Variants in DNAH14 observed in about 807,000 individuals in gnomAD.
DNAH14 encodes axonemal beta dynein heavy chain 14.
A neutral mutation model predicts 520.9 loss-of-function variants in DNAH14; 478 were observed. The observed-to-expected ratio is 0.92, with a 90% CI of 0.85 to 0.99. The LOEUF (loss-of-function observed/expected upper bound fraction) is 0.99, where lower values mean the gene tolerates loss of function less well. DNAH14 is among the 50% of genes least tolerant of loss of function. The pLI is 0.00. For synonymous variants in DNAH14, 1,581 were observed against 1,757.2 expected (o/e 0.90, Z 2.51); for missense variants, 4,831 against 5,234.5 (o/e 0.92, Z 2.38).
intron 56 of DNAH14, among the ~76,000 whole-genome samples, chr1:225,301,321 G>T (rs2094135234): frequency 6.6e-6 from 1 of 152,170 alleles, no homozygotes; most frequent in Non-Finnish European, 1.5e-5. Flanking sequence ...AAGTATTTGT[G>T]TAAGTATTTC....
At chr1:225,348,924 C>T (rs964882775) in intron 71 of DNAH14, among the ~76,000 whole-genome samples, 5 of 152,084 alleles carry the variant, frequency 3.3e-5, no homozygotes, top group Non-Finnish European at 5.9e-5. Context: ...AAAAATGTAA[C>T]TTGTGACATC....
chr1:225,257,537 T>C (rs1194551722), intron 44 of DNAH14, among the ~76,000 whole-genome samples: 4 of 151,954 alleles, frequency 2.6e-5, no homozygotes, highest in East Asian at 1.9e-4. Flanking sequence ...CTTTTCTTTT[T>C]TTTCTTTCTT....
At chr1:225,156,706 A>ATTTTTTT (rs1553483258) in intron 34 of DNAH14, among the ~76,000 whole-genome samples, 35 of 106,736 alleles carry the variant, frequency 3.3e-4, no homozygotes, top group Non-Finnish European at 5.7e-4. Context: ...TCCTCTTAAA[A>ATTTTTTT]TTCTTTTTTT....
Position 225,352,161 on chromosome 1 carries a change from G to A in DNAH14, c.11533+278G>A, listed in dbSNP as rs530404309. 1.3e-4 allele frequency among the ~76,000 whole-genome samples: 20 copies of A among 152,232 alleles called. No homozygotes were observed. The South Asian group carries it at 4.1e-3, about 32-fold the overall frequency. On this transcript the variant is annotated intron_variant, in intron 72 of 85. Coordinates refer to ENST00000682510, the MANE Select transcript of DNAH14 (RefSeq NM_001367479.1). The stretch of plus-strand genomic sequence containing the variant: ...TTACACCAGGCTAGTTTTGAACCTT[G>A]AATCTGAACAAACCTACATATTTCA...
chr1:225,145,738 C>T (rs2079871869), intron 30 of DNAH14, among the ~76,000 whole-genome samples: 1 of 152,096 alleles, frequency 6.6e-6, no homozygotes. Context: ...TAACCCCATA[C>T]ATTTATTTAC....
Position 225,043,901 on chromosome 1 carries a change from T to C in DNAH14, c.1830T>C (p.Pro610=). The change falls in exon 15 of 86, where the codon CCT becomes CCC. Residue 610 remains proline, a synonymous_variant. Coordinates refer to ENST00000682510, the MANE Select transcript of DNAH14 (RefSeq NM_001367479.1). ...TCTCTGTTAGATTTCCAGAATTTCC[T>C]ACAAATCTCTTTATAGATCCCAACA... is the stretch of plus-strand genomic sequence containing the variant. ...KYMYYEFPEF[P]TNLFIDPNRL... The C allele has an allele frequency of 6.5e-7, 1 of 1,526,942 alleles. No homozygotes were observed. The highest frequency in any genetic ancestry group is 8.9e-7 in the Non-Finnish European group (1 of 1,129,168). 94.6% of individuals were successfully genotyped at this position (1,526,942 alleles called of 1,614,324 possible). A position where few individuals can be genotyped will look rare whatever the true frequency, so the allele number is the denominator to read the frequency against.
Position 225,051,559 on chromosome 1 carries a change from A to T in DNAH14, c.2188A>T (p.Met730Leu). The change falls in exon 17 of 86, where the codon ATG becomes TTG. Residue 730 changes from methionine to leucine, a missense_variant. Transcript: ENST00000682510. ...TMTEKAKIMSMKISSMGELTS... is the reference protein window; with the variant it reads ...TMTEKAKIMSLKISSMGELTS... ...GACAGAAAAGGCCAAAATCATGAGTATGAAAATATCATCTATGGGAGAATT... is the reference window on the plus strand; with the variant it reads ...GACAGAAAAGGCCAAAATCATGAGTTTGAAAATATCATCTATGGGAGAATT... 1 of 1,551,122 alleles carries T rather than the reference A, an allele frequency of 6.4e-7. No individual in the cohort carries two copies. The highest frequency in any genetic ancestry group is 8.7e-7 in the Non-Finnish European group (1 of 1,146,650).
chr1:225,030,782 T>G (rs776251092), intron 11 of DNAH14, among the ~76,000 whole-genome samples: 11 of 152,054 alleles, frequency 7.2e-5, no homozygotes, highest in Non-Finnish European at 1.3e-4. Flanking sequence ...ACTATAATTT[T>G]ATAATAAGTC....
chr1:225,315,937 C>T (rs918775666), intron 60 of DNAH14, among the ~76,000 whole-genome samples: 1 of 152,200 alleles, frequency 6.6e-6, no homozygotes, highest in Admixed American at 6.5e-5. Flanking sequence ...TGTCCCTTTG[C>T]AGAGCTGCGG....
chr1:225,159,511 C>A, intron 35 of DNAH14, 26 bp downstream of exon 35: 1 of 1,481,228 alleles, frequency 6.8e-7, no homozygotes, highest in East Asian at 2.6e-5. Context: ...AAAATCATCA[C>A]CAATTATTTG....
rs1025921196 is a variant in DNAH14 at position 225,274,654 on chromosome 1, C to T, written c.8011-1260C>T. The stretch of plus-strand genomic sequence containing the variant: ...TGCCAACCATAATTCAGTTTTGAGA[C>T]TTAACCAGACTAAGAAATAGATATA... On this transcript the variant is annotated intron_variant, in intron 52 of 85. Coordinates refer to ENST00000682510, the MANE Select transcript of DNAH14 (RefSeq NM_001367479.1). 2.0e-5 allele frequency among the ~76,000 whole-genome samples: 3 copies of T among 152,164 alleles called. No homozygotes were observed. The South Asian group carries it at 6.2e-4, about 32-fold the overall frequency.
intron 79 of DNAH14, among the ~76,000 whole-genome samples, chr1:225,379,839 T>C (rs541505722): frequency 1.3e-5 from 2 of 152,286 alleles, no homozygotes; most frequent in South Asian, 4.2e-4. Flanking sequence ...TTTATTTTTT[T>C]AATTGACATA....
chr1:225,242,675 A>G (rs1002609161), intron 43 of DNAH14, among the ~76,000 whole-genome samples: 2 of 152,228 alleles, frequency 1.3e-5, no homozygotes, highest in Admixed American at 6.5e-5. Flanking sequence ...GCACTCTAAA[A>G]TAATGATAAA....
chr1:225,358,364 C>T, intron 73 of DNAH14, 132 bp from the exon 74 acceptor site: 1 of 795,296 alleles, frequency 1.3e-6, no homozygotes, highest in Admixed American at 3.2e-5. Flanking sequence ...TCCCATTAAG[C>T]TTCCTCAACA....
At chr1:224,985,175 A>T (rs1024583089) in intron 8 of DNAH14, among the ~76,000 whole-genome samples, 1 of 152,244 alleles carries the variant, frequency 6.6e-6, no homozygotes, top group Non-Finnish European at 1.5e-5. Flanking sequence ...ATGCATGTTT[A>T]TAGCAGCACA....
At chr1:225,018,167 A>G (rs1174228658) in intron 10 of DNAH14, among the ~76,000 whole-genome samples, 1 of 152,210 alleles carries the variant, frequency 6.6e-6, no homozygotes, top group African/African-American at 2.4e-5. Flanking sequence ...GAAAACAGTA[A>G]AACAATCCAA....
chr1:225,309,495 T>G (rs1354275156), intron 60 of DNAH14, among the ~76,000 whole-genome samples: 1 of 152,182 alleles, frequency 6.6e-6, no homozygotes, highest in Non-Finnish European at 1.5e-5. Context: ...CCTTCTCAGA[T>G]GGGGAGCTTC....
intron 17 of DNAH14, among the ~76,000 whole-genome samples, chr1:225,074,958 T>A (rs1008540910): frequency 1.3e-5 from 2 of 152,186 alleles, no homozygotes; most frequent in Admixed American, 1.3e-4. Context: ...TCAGCTTCTT[T>A]CCTAGGGGTA....
chr1:225,323,127 T>C (rs1199882972), intron 62 of DNAH14, among the ~76,000 whole-genome samples: 3 of 152,080 alleles, frequency 2.0e-5, no homozygotes, highest in South Asian at 2.1e-4. Context: ...ACAGCTAAGG[T>C]AGAGAACATC....
Sources: allele counts gnomAD v4.1 joint callset (sites outside exome capture counted in the v4.1 genomes callset), GRCh38; gene constraint gnomAD v4.1.1; transcripts MANE v1.5; gene names NCBI Gene and HGNC (gene_info 2026-07-23, HGNC 2026-07-21).